The following JCHAIN variants were observed in gnomAD, a reference collection of about 807,000 sequenced individuals.
JCHAIN encodes the protein immunoglobulin J chain.
Under a neutral mutation model 11.1 loss-of-function variants are expected in JCHAIN, and 5 were observed. The observed-to-expected ratio is 0.45, with a 90% confidence interval of 0.24 to 0.95. The LOEUF (loss-of-function observed/expected upper bound fraction) is 0.95. Ranked by LOEUF, JCHAIN falls within the 40% of genes least tolerant of loss-of-function variation. The pLI, the probability that JCHAIN is intolerant of heterozygous loss-of-function variation, is 0.21. For synonymous variants in JCHAIN, 51 were observed against 67.8 expected, an observed-to-expected ratio of 0.75 and a Z score of 1.22; for missense variants, 165 against 192.7, an observed-to-expected ratio of 0.86 and a Z score of 0.85.
At chr4:70,661,262 AG>A (rs1376056425) in intron 2 of JCHAIN, among the ~76,000 whole-genome samples, 2 of 152,350 alleles carry the variant, frequency 1.3e-5, no homozygotes, top group East Asian at 3.9e-4. Flanking sequence ...CTATTGAAAA[AG>A]AGCTGTATAG....
chr4:70,662,389 G>T (rs955180712), intron 1 of JCHAIN, among the ~76,000 whole-genome samples, 174 bp from the exon 2 acceptor site: 3 of 152,106 alleles, frequency 2.0e-5, no homozygotes, highest in Non-Finnish European at 4.4e-5. Context: ...GAAATCCAAA[G>T]GTACTCTAAA....
At chr4:70,665,630 T>C (rs549541481) in intron 1 of JCHAIN, among the ~76,000 whole-genome samples, 4 of 152,096 alleles carry the variant, frequency 2.6e-5, no homozygotes, top group African/African-American at 9.6e-5. Flanking sequence ...CATATATTTT[T>C]AGATATGTAT....
chr4:70,656,568 T>A (rs762320270), intron 3 of JCHAIN, 29 bp from the exon 4 acceptor site: 1 of 1,512,082 alleles, frequency 6.6e-7, no homozygotes, highest in Non-Finnish European at 9.2e-7. Context: ...TATTAGACAA[T>A]CCCCTCAAAT....
chr4:70,657,660 A>T (rs1738974725), intron 2 of JCHAIN, among the ~76,000 whole-genome samples: 1 of 152,170 alleles, frequency 6.6e-6, no homozygotes, highest in Non-Finnish European at 1.5e-5. Flanking sequence ...TTATTATATC[A>T]AATGCCGTAT....
At position 70,655,918 on chromosome 4, in the gene JCHAIN, A is replaced by C. The variant is rs1380575374; in HGVS notation, c.*411T>G. On this transcript the variant is annotated 3_prime_UTR_variant, in exon 4 of 4. Coordinates refer to ENST00000254801, the MANE Select transcript of JCHAIN (RefSeq NM_144646.4). Reference sequence around the variant, plus strand: ...AAAAGAATAGTAAAGAAAATGCGGAAGCTCTGGCTCTCCAAGGCAAAGTCA... The same window carrying C: ...AAAAGAATAGTAAAGAAAATGCGGACGCTCTGGCTCTCCAAGGCAAAGTCA... The C allele has an allele frequency of 6.5e-6, 1 of 154,946 alleles. No individual in the cohort carries two copies. Among genetic ancestry groups the C allele is most frequent in the African/African-American group, 2.5e-5 (1 of 40,636 alleles). The allele number at this position is 154,946 out of a possible 1,614,324, so 9.6% of individuals were successfully genotyped here. A position where few individuals can be genotyped will look rare whatever the true frequency, so the allele number is the denominator to read the frequency against.
intron 1 of JCHAIN, among the ~76,000 whole-genome samples, 189 bp from the exon 2 acceptor site, chr4:70,662,404 A>AT (rs2148528781): frequency 6.6e-6 from 1 of 152,198 alleles, no homozygotes; most frequent in African/African-American, 2.4e-5. Flanking sequence ...TCTAAAAGGG[A>AT]TTTTCACTTT....
At chr4:70,658,451 A>G (rs912265609) in intron 2 of JCHAIN, among the ~76,000 whole-genome samples, 3 of 152,172 alleles carry the variant, frequency 2.0e-5, no homozygotes, top group Non-Finnish European at 4.4e-5. Context: ...TCACAATGTC[A>G]CCATCTACAA....
chr4:70,656,508 G>T lies in JCHAIN; in HGVS notation c.301C>A (p.Leu101Met). ...CKKCDPTEVE[L>M]DNQIVTATQS... is the part of the protein sequence containing the mutation. ...GTAGCAGTAACTATCTGATTATCCA[G>T]CTCCACTTCTGTAGGATCACATTTT... Residue 101 changes from leucine to methionine, a missense_variant, in exon 4 of 4, where the codon CTG becomes ATG. Leu to Met is a conservative substitution (Grantham distance 15, BLOSUM62 2). Coordinates refer to ENST00000254801, the MANE Select transcript of JCHAIN (RefSeq NM_144646.4). 1 of 1,613,392 alleles carries T rather than the reference G, an allele frequency of 6.2e-7. No homozygotes were observed.
chr4:70,665,524 G>A (rs1739133703), intron 1 of JCHAIN, among the ~76,000 whole-genome samples: 1 of 151,678 alleles, frequency 6.6e-6, no homozygotes. Context: ...GCTACAATGG[G>A]GCTACCTCCC....
At chr4:70,659,549 CAAAAAAAAAAAAA>C (rs35627461) in intron 2 of JCHAIN, among the ~76,000 whole-genome samples, 19 of 16,556 alleles carry the variant, frequency 1.1e-3, no homozygotes, top group Admixed American at 3.5e-3. Flanking sequence ...GACTCTGTCT[CAAAAAAAAAAAAA>C]AAAAAAAAAA....
intron 2 of JCHAIN, among the ~76,000 whole-genome samples, chr4:70,658,799 G>A (rs73824830): frequency 0.022 from 3,412 of 152,218 alleles, 116 homozygotes; most frequent in African/African-American, 0.072. Context: ...GGATTGGACT[G>A]GGTGCCCCTC....
intron 2 of JCHAIN, among the ~76,000 whole-genome samples, chr4:70,660,119 T>G (rs1032926487): frequency 6.6e-6 from 1 of 152,170 alleles, no homozygotes; most frequent in Non-Finnish European, 1.5e-5. Context: ...CAACATGGCT[T>G]AAGTGCCAGT....
intron 2 of JCHAIN, among the ~76,000 whole-genome samples, chr4:70,661,531 T>A (rs1472036701): frequency 6.6e-6 from 1 of 152,206 alleles, no homozygotes; most frequent in Non-Finnish European, 1.5e-5. Flanking sequence ...GGTTCAGGCC[T>A]GTAATCCTAG....
intron 2 of JCHAIN, among the ~76,000 whole-genome samples, chr4:70,659,481 C>A (rs1739013199): frequency 7.7e-6 from 1 of 129,036 alleles, no homozygotes; most frequent in African/African-American, 3.0e-5. Context: ...ACCTGGGAGG[C>A]AGAGGTTGCA....
intron 3 of JCHAIN, among the ~76,000 whole-genome samples, chr4:70,656,937 C>T (rs17734487): frequency 0.092 from 13,931 of 152,020 alleles, 902 homozygotes; most frequent in Non-Finnish European, 0.15. Flanking sequence ...AGATCAAATC[C>T]ACTTATTGAA....
chr4:70,657,236 T>C lies in JCHAIN; in HGVS notation c.244A>G (p.Arg82Gly). The change falls in exon 3 of 4, where the codon AGA (arginine) becomes GGA (glycine). Residue 82 changes from arginine (R) to glycine (G), a missense_variant. Physicochemically the swap from Arg to Gly is moderately radical, Grantham distance 125 (BLOSUM62 -2). Coordinates refer to ENST00000254801, the MANE Select transcript of JCHAIN (RefSeq NM_144646.4). The part of the protein sequence containing the change: ...ISDPTSPLRT[R>G]FVYHLSDLCK... ...AGGTCAGACAAATGGTACACAAATC[T>C]GGTTCTCAATGGTGAGGTGGGATCA... is the stretch of plus-strand genomic sequence containing the variant. 1 of 1,601,038 alleles carries C rather than the reference T, an allele frequency of 6.2e-7. No homozygotes were observed. The highest frequency in any genetic ancestry group is 1.1e-5 in the South Asian group (1 of 90,664).
chr4:70,662,048 C>A (rs764937004), intron 2 of JCHAIN, 44 bp downstream of exon 2: 1 of 1,594,866 alleles, frequency 6.3e-7, no homozygotes, highest in Admixed American at 1.7e-5. Context: ...CAGAAAGTAT[C>A]TCTGCTTAGA....
At chr4:70,663,831 G>T (rs113884503) in intron 1 of JCHAIN, among the ~76,000 whole-genome samples, 4,233 of 152,008 alleles carry the variant, frequency 0.028, 102 homozygotes, top group African/African-American at 0.067. Context: ...AAAGTGCTGG[G>T]ATTATGGGCG....
At chr4:70,665,494 T>A (rs1330781993) in intron 1 of JCHAIN, among the ~76,000 whole-genome samples, 1 of 152,136 alleles carries the variant, frequency 6.6e-6, no homozygotes, top group Non-Finnish European at 1.5e-5. Context: ...GAAAGTGATA[T>A]GTATTCAGTA....
Sources: gnomAD v4.1 joint callset for allele counts (sites outside exome capture counted in the v4.1 genomes callset) on GRCh38, gnomAD v4.1.1 for gene constraint, MANE v1.5 for transcripts, NCBI Gene and HGNC (gene_info 2026-07-23, HGNC 2026-07-21) for gene names.